SMOC1: variants seen among roughly 807,000 people sequenced by gnomAD.
The protein encoded by SMOC1 is SPARC-related modular calcium-binding protein 1.
Under a neutral mutation model 56.3 loss-of-function variants are expected in SMOC1, and 22 were observed. That is an observed-to-expected ratio of 0.39 (90% confidence interval 0.28 to 0.56). The LOEUF is 0.56. Ranked by LOEUF, SMOC1 falls within the 20% of genes least tolerant of loss-of-function variation. The pLI, the probability that SMOC1 is intolerant of heterozygous loss-of-function variation, is 0.61. For missense variants in SMOC1, 509 were observed against 565.4 expected (o/e 0.90, Z 1.01); for synonymous variants, 193 against 215.0 (o/e 0.90, Z 0.89).
At chr14:69,955,688 GA>G (rs10706217) in intron 3 of SMOC1, among the ~76,000 whole-genome samples, 74,808 of 151,072 alleles carry the variant, frequency 0.5, 19,715 homozygotes, top group African/African-American at 0.68. Flanking sequence ...TACCGCTTAA[GA>G]AAAAAAAACC....
intron 11 of SMOC1, among the ~76,000 whole-genome samples, chr14:70,023,686 G>GT (rs1251866574): frequency 6.6e-6 from 1 of 152,246 alleles, no homozygotes; most frequent in African/African-American, 2.4e-5. Context: ...GATACATGCT[G>GT]TGAGAGTGTG....
At position 69,975,512 on chromosome 14, in the gene SMOC1, C is replaced by T. The variant is rs185027573; in HGVS notation, c.379-203C>T. On this transcript the variant is annotated intron_variant, in intron 3 of 11. Transcript: ENST00000361956. ...GAAGCAGGTAAAATGCTGTGGTTTG[C>T]GTGGGAGTCCCACAGCAACCATGTA... Among the ~76,000 whole-genome samples the T allele has an allele frequency of 1.9e-3, 287 of 152,246 alleles. 2 individuals are homozygous for T. The highest frequency in any genetic ancestry group is 6.6e-3 in the African/African-American group (275 of 41,560).
chr14:70,001,967 G>T (rs1407378947), intron 7 of SMOC1, among the ~76,000 whole-genome samples: 1 of 152,186 alleles, frequency 6.6e-6, no homozygotes, highest in Non-Finnish European at 1.5e-5. Flanking sequence ...CAGACCCTTC[G>T]ATAGGAGTAT....
intron 3 of SMOC1, among the ~76,000 whole-genome samples, chr14:69,971,503 C>T (rs907497492): frequency 4.6e-5 from 7 of 152,112 alleles, no homozygotes; most frequent in African/African-American, 1.2e-4. Flanking sequence ...CCTTTTGGGC[C>T]AGAACAACCA....
intron 9 of SMOC1, among the ~76,000 whole-genome samples, chr14:70,012,806 G>A (rs112118807): frequency 0.011 from 1,710 of 152,278 alleles, 13 homozygotes; most frequent in Non-Finnish European, 0.016. Context: ...ATAATACAAG[G>A]AGGAAAAAAG....
rs777049825 is a variant in SMOC1 at position 69,952,211 on chromosome 14, C to CTGA, written c.176_178dup (p.Asp59dup). 4 of 1,614,072 alleles carry CTGA rather than the reference C, an allele frequency of 2.5e-6. No homozygotes were observed. The highest frequency in any genetic ancestry group is 3.4e-6 in the Non-Finnish European group (4 of 1,180,024). ...ACTCAACCCAAACCCATCTGTGCCT[C>CTGA]TGATGGCAGGTCCTACGAGTCCATG... On this transcript the variant is annotated inframe_insertion, in exon 2 of 12. Transcript: ENST00000361956.
At position 69,952,323 on chromosome 14, in the gene SMOC1, C is replaced by T. The variant is rs1403536076; in HGVS notation, c.265+20C>T. On this transcript the variant is annotated intron_variant, in intron 2 of 11. Coordinates refer to ENST00000361956, the MANE Select transcript of SMOC1 (RefSeq NM_001034852.3). Reference sequence around the variant, plus strand: ...GCAAAGGTGAGTGTGTGCACCCCTGCCCAGCCAAGGAGAGGTTCCTGGGCA... The same window carrying T: ...GCAAAGGTGAGTGTGTGCACCCCTGTCCAGCCAAGGAGAGGTTCCTGGGCA... 6.2e-7 allele frequency: 1 copy of T among 1,613,502 alleles called. No individual in the cohort carries two copies.
chr14:69,951,341 A>G (rs1566685604), intron 1 of SMOC1, among the ~76,000 whole-genome samples: 2 of 152,194 alleles, frequency 1.3e-5, no homozygotes, highest in East Asian at 1.9e-4. Context: ...CCATAGCTCA[A>G]TGAGAGGAGT....
chr14:69,893,910 AGAG>A (rs1396747447), intron 1 of SMOC1, among the ~76,000 whole-genome samples: 1 of 152,188 alleles, frequency 6.6e-6, no homozygotes, highest in East Asian at 1.9e-4. Context: ...AATAAGAAGA[AGAG>A]ATTAGAACAC....
intron 1 of SMOC1, among the ~76,000 whole-genome samples, chr14:69,897,105 A>G (rs936964870): frequency 2.0e-5 from 3 of 152,210 alleles, no homozygotes; most frequent in African/African-American, 7.2e-5. Flanking sequence ...GGAACATTCC[A>G]TGGAACTGGA....
intron 10 of SMOC1, among the ~76,000 whole-genome samples, chr14:70,019,001 A>C (rs535982191): frequency 9.6e-4 from 147 of 152,336 alleles, no homozygotes; most frequent in Non-Finnish European, 1.9e-3. Flanking sequence ...AGGACAGCAG[A>C]ACTGGGCCCG....
At chr14:69,965,377 A>AAATAATAATAATAATAATAATAATAAT (rs544015097) in intron 3 of SMOC1, among the ~76,000 whole-genome samples, 11 of 113,876 alleles carry the variant, frequency 9.7e-5, no homozygotes, top group East Asian at 3.7e-4. Flanking sequence ...CAAGACTCTC[A>AAATAATAATAATAATAATAATAATAAT]AATAATAATA....
intron 4 of SMOC1, 28 bp downstream of exon 4, chr14:69,975,842 A>G (rs1307417528): frequency 1.3e-6 from 2 of 1,552,936 alleles, no homozygotes; most frequent in Non-Finnish European, 1.8e-6. Flanking sequence ...GGGAAGAATG[A>G]AAAGGGTTGG....
At chr14:69,986,671 C>T (rs1884376262) in intron 5 of SMOC1, among the ~76,000 whole-genome samples, 1 of 152,166 alleles carries the variant, frequency 6.6e-6, no homozygotes, top group African/African-American at 2.4e-5. Flanking sequence ...CCAGCCCTGA[C>T]CAGGCTCCTC....
At chr14:69,953,270 G>A (rs1883069834) in intron 2 of SMOC1, 150 bp from the exon 3 acceptor site, 1 of 724,110 alleles carries the variant, frequency 1.4e-6, no homozygotes, top group African/African-American at 1.7e-5. Flanking sequence ...CTGTGCAGCA[G>A]TTACTAGCCA....
At chr14:69,982,655 A>G (rs1210984176) in intron 5 of SMOC1, among the ~76,000 whole-genome samples, 2 of 152,180 alleles carry the variant, frequency 1.3e-5, no homozygotes, top group East Asian at 3.9e-4. Context: ...GACATTCCAC[A>G]TGTGAAATGT....
chr14:69,903,585 G>A (rs1358398297), intron 1 of SMOC1, among the ~76,000 whole-genome samples: 2 of 152,226 alleles, frequency 1.3e-5, no homozygotes, highest in Non-Finnish European at 2.9e-5. Flanking sequence ...TTGGGATGCT[G>A]TTGATCTACG....
intron 1 of SMOC1, among the ~76,000 whole-genome samples, chr14:69,884,945 G>T (rs1005819960): frequency 2.6e-5 from 4 of 151,322 alleles, no homozygotes; most frequent in East Asian, 3.9e-4. Flanking sequence ...AAATTTTAGG[G>T]TTTTTTTTTC....
chr14:70,021,141 G>A (rs1026112334), intron 10 of SMOC1, among the ~76,000 whole-genome samples: 1 of 152,212 alleles, frequency 6.6e-6, no homozygotes, highest in Admixed American at 6.5e-5. Flanking sequence ...GAGGGGCTGA[G>A]CAGGAAGGTC....
Sources: allele counts gnomAD v4.1 joint callset (sites outside exome capture counted in the v4.1 genomes callset), GRCh38; gene constraint gnomAD v4.1.1; transcripts MANE v1.5; gene names NCBI Gene and HGNC (gene_info 2026-07-23, HGNC 2026-07-21).